Variants in RECQL5 observed in about 807,000 individuals in gnomAD.
RECQL5 encodes ATP-dependent DNA helicase Q5.
RECQL5 carries 88 observed loss-of-function variants against 103.4 expected under a neutral mutation model. The observed-to-expected ratio is 0.85, with a 90% CI of 0.72 to 1.02. The LOEUF is 1.02. Ranked by LOEUF, RECQL5 falls within the 50% of genes least tolerant of loss-of-function variation. The pLI is 0.00. For missense variants in RECQL5, 1,232 were observed against 1,284.3 expected, an observed-to-expected ratio of 0.96 and a Z score of 0.62; for synonymous variants, 552 against 507.9, an observed-to-expected ratio of 1.09 and a Z score of -1.17.
rs540432451 is a variant in RECQL5, at chr17:75,656,341, G to C, written c.1149+1957C>G. On this transcript the variant is annotated intron_variant, in intron 7 of 19. Coordinates refer to ENST00000317905, the MANE Select transcript of RECQL5 (RefSeq NM_004259.7). ...GATCTGCCCGCCTCAGCCTCCCAAA[G>C]TGCTGGGATTACAGGCGTGAGCCAC... Among the ~76,000 whole-genome samples the C allele has an allele frequency of 5.9e-5, 9 of 152,280 alleles. No individual in the cohort carries two copies. In the South Asian group the frequency reaches 1.9e-3, roughly 32 times the overall value.
intron 19 of RECQL5, 49 bp from the exon 20 acceptor site, chr17:75,627,571 C>T: frequency 6.2e-7 from 1 of 1,612,016 alleles, no homozygotes; most frequent in Non-Finnish European, 8.5e-7. Flanking sequence ...AGCCTCCTCC[C>T]TGTAGACCAC....
At chr17:75,643,429 C>T (rs530004576) in intron 8 of RECQL5, among the ~76,000 whole-genome samples, 95 of 152,350 alleles carry the variant, frequency 6.2e-4, no homozygotes, top group African/African-American at 2.2e-3. Context: ...GCACAGGATT[C>T]GGTCCCTGCC....
chr17:75,659,605 G>A (rs1334278728), intron 6 of RECQL5, among the ~76,000 whole-genome samples: 1 of 151,746 alleles, frequency 6.6e-6, no homozygotes, highest in Non-Finnish European at 1.5e-5. Flanking sequence ...CCTCCCATCT[G>A]GTCCTCCCAA....
chr17:75,630,576 G>A (rs751691688), intron 13 of RECQL5, 43 bp downstream of exon 13: 6 of 1,600,190 alleles, frequency 3.7e-6, no homozygotes, highest in South Asian at 2.2e-5. Flanking sequence ...CCAAGGGAAC[G>A]AGAGCTTGGA....
At chr17:75,662,340 A>T (rs904891994) in intron 4 of RECQL5, 139 bp downstream of exon 4, 2 of 954,330 alleles carry the variant, frequency 2.1e-6, no homozygotes, top group African/African-American at 1.6e-5. Context: ...AACCAAAGAG[A>T]CAACTCTTTT....
rs947251386 is a variant in RECQL5, at chr17:75,666,361, G to C, written c.130+67C>G. ...AGGCAGTACGAAGGGTGAGGAGGAG[G>C]GTGTTCTGCCGCAGCGTTATGGTAT... is the stretch of plus-strand genomic sequence containing the variant. On this transcript the variant is annotated intron_variant, in intron 2 of 19. Transcript: ENST00000317905. The C allele has an allele frequency of 4.5e-6, 7 of 1,561,730 alleles. No homozygotes were observed. The Admixed American group carries it at 1.2e-4, about 27-fold the overall frequency.
chr17:75,640,678 T>A lies in RECQL5; in HGVS notation c.1230-9010A>T. ...ACCAGCCTCTCGGATCTTTCTGACC[T>A]CCACCAAACCTGTGGGGGAAAGACC... On this transcript the variant is annotated intron_variant, in intron 8 of 19. Transcript: ENST00000317905. This position sits in a 1 kb window ranked among gnomAD's most constrained non-coding sequence, Gnocchi z 4.6. 1 of 1,478,810 alleles carries A rather than the reference T, an allele frequency of 6.8e-7. No individual in the cohort carries two copies. Among genetic ancestry groups the A allele is most frequent in the Admixed American group, 2.1e-5 (1 of 47,662 alleles). 91.6% of individuals were successfully genotyped at this position (1,478,810 alleles called of 1,614,324 possible). A position where few individuals can be genotyped will look rare whatever the true frequency, so the allele number is the denominator to read the frequency against.
At chr17:75,649,766 C>CA in intron 8 of RECQL5, 1 of 985,492 alleles carries the variant, frequency 1.0e-6, no homozygotes, top group Middle Eastern at 5.2e-4. Context: ...AGAATCATCA[C>CA]ATGTAGCAAA....
chr17:75,627,620 C>T lies in RECQL5; in HGVS notation c.2875+3G>A, dbSNP rs749360074. The T allele has an allele frequency of 2.5e-6, 4 of 1,613,280 alleles. No homozygotes were observed. Among genetic ancestry groups the T allele is most frequent in the Non-Finnish European group, 2.5e-6 (3 of 1,179,714 alleles). Reference sequence around the variant, plus strand: ...TCCTGGCCCTGGCAATGCCAGCGCTCACCGCTCCTTCCAGGAGAGGTCTTC... The same window carrying T: ...TCCTGGCCCTGGCAATGCCAGCGCTTACCGCTCCTTCCAGGAGAGGTCTTC... On this transcript the variant is annotated splice_donor_region_variant and intron_variant, in intron 19 of 19. Transcript: ENST00000317905.
chr17:75,629,346 G>T lies in RECQL5; in HGVS notation c.2077C>A (p.Pro693Thr), dbSNP rs750485039. Residue 693 changes from proline (P) to threonine (T), a missense_variant, in exon 16 of 20, where the codon CCC becomes ACC. Pro to Thr is a conservative substitution (Grantham distance 38). Transcript: ENST00000317905. Reference sequence around the variant, plus strand: ...AGGAGGCCACAGGGCCGGCTCGGGGGCTCGTGCTCGCCTCCCCGCTCGGGC... The same window carrying T: ...AGGAGGCCACAGGGCCGGCTCGGGGTCTCGTGCTCGCCTCCCCGCTCGGGC... Reference protein sequence around the residue: ...PQPERGGEHEPPSRPCGLLDE... With the variant: ...PQPERGGEHETPSRPCGLLDE... The T allele has an allele frequency of 9.2e-6, 14 of 1,520,748 alleles. No individual in the cohort carries two copies. In the African/African-American group the frequency reaches 1.8e-4, roughly 20 times the overall value. The allele number at this position is 1,520,748 out of a possible 1,614,324, so 94.2% of individuals were successfully genotyped here. A position where few individuals can be genotyped will look rare whatever the true frequency, so the allele number is the denominator to read the frequency against.
rs556805933 is a variant in RECQL5 at position 75,640,623 on chromosome 17, C to T, written c.1230-8955G>A. On this transcript the variant is annotated intron_variant, in intron 8 of 19. Coordinates refer to ENST00000317905, the MANE Select transcript of RECQL5 (RefSeq NM_004259.7). This position sits in a 1 kb window ranked among gnomAD's most constrained non-coding sequence, Gnocchi z 4.6. Reference sequence around the variant, plus strand: ...ACAACATGGAGGAGGTTGGCCCTGGCGGCTGGCATGGGGACCGTCCGCACC... The same window carrying T: ...ACAACATGGAGGAGGTTGGCCCTGGTGGCTGGCATGGGGACCGTCCGCACC... Among the ~76,000 whole-genome samples, 7 of 152,076 alleles carry T rather than the reference C, an allele frequency of 4.6e-5. No individual in the cohort carries two copies. Among genetic ancestry groups the T allele is most frequent in the Admixed American group, 2.6e-4 (4 of 15,272 alleles).
intron 8 of RECQL5, chr17:75,648,915 A>G (rs1599033385): frequency 6.7e-6 from 1 of 148,902 alleles, no homozygotes; most frequent in South Asian, 2.1e-4. Context: ...CTGGTCTTGA[A>G]CTCCCAGGCT....
intron 7 of RECQL5, among the ~76,000 whole-genome samples, chr17:75,656,320 T>A (rs1294183272): frequency 1.3e-5 from 2 of 152,030 alleles, no homozygotes; most frequent in Non-Finnish European, 2.9e-5. Context: ...TCAGGTGATC[T>A]GCCCGCCTCA....
intron 8 of RECQL5, chr17:75,647,298 G>T: frequency 7.6e-7 from 1 of 1,324,472 alleles, no homozygotes; most frequent in Admixed American, 2.4e-5. Context: ...TGGAGTCGGC[G>T]GGCAGAGCAT....
At chr17:75,655,655 C>T (rs962004822) in intron 7 of RECQL5, among the ~76,000 whole-genome samples, 4 of 152,088 alleles carry the variant, frequency 2.6e-5, no homozygotes, top group African/African-American at 4.8e-5. Context: ...TGAGCCACCG[C>T]ACCTGGCCTT....
chr17:75,644,399 A>C (rs1377662797), intron 8 of RECQL5, among the ~76,000 whole-genome samples: 1 of 152,100 alleles, frequency 6.6e-6, no homozygotes, highest in Non-Finnish European at 1.5e-5. Context: ...TGAGCTCGGG[A>C]GTTTGAGACC....
rs769408630 is a variant in RECQL5, at chr17:75,628,304, C to A, written c.2719G>T (p.Ala907Ser). 27 of 1,614,152 alleles carry A rather than the reference C, an allele frequency of 1.7e-5. No individual in the cohort carries two copies. The South Asian group carries it at 3.0e-4, about 18-fold the overall frequency. Residue 907 changes from alanine (A) to serine (S), a missense_variant, in exon 18 of 20, where the codon GCT (alanine) becomes TCT (serine). Ala to Ser is a moderately conservative substitution (Grantham distance 99, BLOSUM62 1). Coordinates refer to ENST00000317905, the MANE Select transcript of RECQL5 (RefSeq NM_004259.7). ...PTAQDPFQLSAPGVSLKEAAN... is the reference protein window; with the variant it reads ...PTAQDPFQLSSPGVSLKEAAN... ...GCCTCCTTCAAGGAGACGCCAGGAG[C>A]GGAGAGCTGGAAGGGGTCTTGAGCC...
Position 75,662,810 on chromosome 17 carries a change from G to C in RECQL5, c.440C>G (p.Ser147Cys). The C allele has an allele frequency of 1.2e-6, 2 of 1,614,118 alleles. No individual in the cohort carries two copies. The highest frequency in any genetic ancestry group is 2.7e-5 in the African/African-American group (2 of 75,050). Reference protein sequence around the residue: ...SFQPTLNSLVSRHLLSYLVVD... With the variant: ...SFQPTLNSLVCRHLLSYLVVD... Reference sequence around the variant, plus strand: ...CACCAAGTAAGACAGCAGGTGGCGGGACACCAGGGAGTTCAGGGTGGGCTG... The same window carrying C: ...CACCAAGTAAGACAGCAGGTGGCGGCACACCAGGGAGTTCAGGGTGGGCTG... The change falls in exon 4 of 20, where the codon TCC (serine) becomes TGC (cysteine). Residue 147 changes from serine (S) to cysteine (C), a missense_variant. By Grantham distance (112) the Ser-to-Cys change is moderately radical. Transcript: ENST00000317905.
At position 75,627,203 on chromosome 17, in the gene RECQL5, C is replaced by T. The variant is rs192421253; in HGVS notation, c.*219G>A. The T allele has an allele frequency of 3.5e-5, 23 of 657,758 alleles. No homozygotes were observed. The highest frequency in any genetic ancestry group is 3.3e-4 in the East Asian group (11 of 33,820). The allele number at this position is 657,758 out of a possible 1,614,324, so 40.7% of individuals were successfully genotyped here. On this transcript the variant is annotated 3_prime_UTR_variant, in exon 20 of 20. Transcript: ENST00000317905. ...TCCCAGAAAACCCAGCCATGAGGAC[C>T]GCTCTGAGAAGGGTCTATAGGCTTT... is the stretch of plus-strand genomic sequence containing the variant.
Sources: gnomAD v4.1 joint callset for allele counts (sites outside exome capture counted in the v4.1 genomes callset) on GRCh38, gnomAD v4.1.1 for gene constraint, Gnocchi (gnomAD v3.1) non-coding constraint, MANE v1.5 for transcripts, NCBI Gene and HGNC (gene_info 2026-07-23, HGNC 2026-07-21) for gene names.